The following ADGRL3 variants were observed in gnomAD, a reference collection of about 807,000 sequenced individuals.
The protein encoded by ADGRL3 is calcium-independent alpha-latrotoxin receptor 3.
A neutral mutation model predicts 153.5 loss-of-function variants in ADGRL3; 62 were observed. The observed-to-expected ratio is 0.40, with a 90% CI of 0.33 to 0.50. The LOEUF (loss-of-function observed/expected upper bound fraction) is 0.50, where lower values mean the gene tolerates loss of function less well. Ranked by LOEUF, ADGRL3 falls within the 20% of genes least tolerant of loss-of-function variation. The pLI is 0.47. For missense variants in ADGRL3, 1,641 were observed against 1,859.4 expected (o/e 0.88, Z 2.16); for synonymous variants, 710 against 672.5 (o/e 1.06, Z -0.86).
At chr4:61,307,521 T>G (rs1248600139) in intron 1 of ADGRL3, among the ~76,000 whole-genome samples, 1 of 152,182 alleles carries the variant, frequency 6.6e-6, no homozygotes, top group Non-Finnish European at 1.5e-5. Flanking sequence ...AATTATATTT[T>G]ACTGTTGTAA....
intron 2 of ADGRL3, among the ~76,000 whole-genome samples, chr4:61,383,942 A>T (rs953546109): frequency 6.6e-6 from 1 of 151,836 alleles, no homozygotes; most frequent in Non-Finnish European, 1.5e-5. Flanking sequence ...AAAGTTTAGC[A>T]TGTACATTAT....
At chr4:61,213,344 A>C (rs566360626) in intron 1 of ADGRL3, among the ~76,000 whole-genome samples, 3 of 152,118 alleles carry the variant, frequency 2.0e-5, no homozygotes. Flanking sequence ...TCCTCCACAT[A>C]CATCATTTGT....
chr4:61,648,327 AAG>A (rs1190827149), intron 5 of ADGRL3, among the ~76,000 whole-genome samples: 1 of 150,424 alleles, frequency 6.6e-6, no homozygotes, highest in African/African-American at 2.4e-5. Flanking sequence ...AGTAGCTTTT[AAG>A]AGTTAGGAAA....
At chr4:61,810,171 C>G (rs2097595690) in intron 8 of ADGRL3, among the ~76,000 whole-genome samples, 1 of 152,064 alleles carries the variant, frequency 6.6e-6, no homozygotes, top group Non-Finnish European at 1.5e-5. Context: ...TTTTTAATGT[C>G]TCAACACACA....
chr4:61,899,914 TC>T (rs2098654706), intron 11 of ADGRL3, among the ~76,000 whole-genome samples: 1 of 152,112 alleles, frequency 6.6e-6, no homozygotes, highest in African/African-American at 2.4e-5. Flanking sequence ...TCTAATCCCT[TC>T]CCAGCGGCCC....
intron 9 of ADGRL3, among the ~76,000 whole-genome samples, chr4:61,816,248 A>C (rs2097687452): frequency 1.3e-5 from 2 of 152,230 alleles, no homozygotes; most frequent in African/African-American, 4.8e-5. Flanking sequence ...ACTTAAAACA[A>C]GAAATATTTA....
At position 61,946,915 on chromosome 4, in the gene ADGRL3, A is replaced by G. The variant is rs1560413564; in HGVS notation, c.2421A>G (p.Gly807=). The change falls in exon 16 of 27, where the codon GGA becomes GGG. Residue 807 remains glycine, a splice_region_variant and synonymous_variant. Transcript: ENST00000683033. ...ANTLKQNGRN[G]EIRVAFVLYN... ...AATCAGAGTTTGCATTTACTTTAGG[A>G]GAGATCAGAGTGGCCTTTGTCCTGT... 2.5e-6 allele frequency: 4 copies of G among 1,612,388 alleles called. No individual in the cohort carries two copies. Among genetic ancestry groups the G allele is most frequent in the Admixed American group, 1.7e-5 (1 of 60,010 alleles).
chr4:61,577,669 C>T (rs2149236099), intron 4 of ADGRL3, among the ~76,000 whole-genome samples: 1 of 151,568 alleles, frequency 6.6e-6, no homozygotes, highest in Non-Finnish European at 1.5e-5. Context: ...AAAAATTAGC[C>T]AGGCATGGTG....
rs147556283 is a variant in ADGRL3 at position 61,419,684 on chromosome 4, T to A, written c.-174+36495T>A. Among the ~76,000 whole-genome samples, 706 of 152,356 alleles carry A rather than the reference T, an allele frequency of 4.6e-3. 7 individuals are homozygous for A. The highest frequency in any genetic ancestry group is 0.016 in the African/African-American group (673 of 41,590). ...CAGTGAAAGAACTTATTTGAGGACA[T>A]GCTGTACGCAGTCAATTTTTAGCAG... On this transcript the variant is annotated intron_variant, in intron 2 of 26. Transcript: ENST00000683033.
chr4:61,893,030 T>A (rs2098599744), intron 10 of ADGRL3, 72 bp downstream of exon 10: 1 of 981,914 alleles, frequency 1.0e-6, no homozygotes, highest in Non-Finnish European at 1.4e-6. Context: ...ATTCTTTTCC[T>A]TTTCCTTCCT....
intron 2 of ADGRL3, among the ~76,000 whole-genome samples, chr4:61,477,920 C>T (rs1560701164): frequency 6.6e-6 from 1 of 151,544 alleles, no homozygotes; most frequent in African/African-American, 2.4e-5. Context: ...TTCTCATCTT[C>T]AAAAAAAGGC....
At chr4:61,855,910 G>C (rs1306923377) in intron 9 of ADGRL3, among the ~76,000 whole-genome samples, 1 of 152,056 alleles carries the variant, frequency 6.6e-6, no homozygotes, top group Non-Finnish European at 1.5e-5. Flanking sequence ...AACTCTGTGA[G>C]GGTTCATTAA....
At chr4:61,780,231 A>T (rs963897207) in intron 8 of ADGRL3, among the ~76,000 whole-genome samples, 3 of 152,200 alleles carry the variant, frequency 2.0e-5, no homozygotes, top group African/African-American at 7.2e-5. Context: ...GACAGAGAAG[A>T]GCAGCCGCCT....
chr4:61,691,955 G>A (rs573158779), intron 6 of ADGRL3, among the ~76,000 whole-genome samples: 4 of 152,190 alleles, frequency 2.6e-5, no homozygotes, highest in African/African-American at 9.6e-5. Flanking sequence ...TGATTGGAGT[G>A]GAAGCTAGAA....
chr4:61,246,556 A>T (rs950517967), intron 1 of ADGRL3, among the ~76,000 whole-genome samples: 2 of 151,996 alleles, frequency 1.3e-5, no homozygotes, highest in Non-Finnish European at 2.9e-5. Flanking sequence ...AAACTTAGCA[A>T]TATTGGCTTT....
chr4:61,763,370 A>T (rs2096936421), intron 8 of ADGRL3, among the ~76,000 whole-genome samples: 1 of 150,806 alleles, frequency 6.6e-6, no homozygotes, highest in African/African-American at 2.4e-5. Flanking sequence ...TTTTTTTAGT[A>T]GAGACGGGGT....
At chr4:61,553,303 T>C (rs2098748758) in intron 4 of ADGRL3, among the ~76,000 whole-genome samples, 1 of 152,150 alleles carries the variant, frequency 6.6e-6, no homozygotes, top group South Asian at 2.1e-4. Flanking sequence ...TCTCTGTACC[T>C]AAAATATATA....
At chr4:61,755,233 C>G (rs1247061535) in intron 8 of ADGRL3, among the ~76,000 whole-genome samples, 1 of 152,056 alleles carries the variant, frequency 6.6e-6, no homozygotes, top group Non-Finnish European at 1.5e-5. Context: ...ACAGTCCCAC[C>G]AACAGTGTAA....
At chr4:61,629,720 GCAAAAA>G (rs2093039910) in intron 5 of ADGRL3, among the ~76,000 whole-genome samples, 1 of 57,538 alleles carries the variant, frequency 1.7e-5, no homozygotes, top group Non-Finnish European at 2.8e-5. Flanking sequence ...CCGTCTCGGG[GCAAAAA>G]AAAAAAAAAA....
Sources: gnomAD v4.1 joint callset for allele counts (sites outside exome capture counted in the v4.1 genomes callset) on GRCh38, gnomAD v4.1.1 for gene constraint, MANE v1.5 for transcripts, NCBI Gene and HGNC (gene_info 2026-07-23, HGNC 2026-07-21) for gene names.